ELMOD2: variants seen among roughly 807,000 people sequenced by gnomAD.
ELMOD2 encodes ELMO domain containing 2.
A neutral mutation model predicts 41.0 loss-of-function variants in ELMOD2; 28 were observed. The observed-to-expected ratio is 0.68, with a 90% CI of 0.51 to 0.94. ELMOD2 has a LOEUF of 0.94. ELMOD2 is among the 40% of genes least tolerant of loss of function. The pLI, the probability that ELMOD2 is intolerant of heterozygous loss-of-function variation, is 0.00. For missense variants in ELMOD2, 333 were observed against 343.1 expected, an observed-to-expected ratio of 0.97 and a Z score of 0.23; for synonymous variants, 106 against 107.2, an observed-to-expected ratio of 0.99 and a Z score of 0.07.
At chr4:140,527,070 A>G (rs1441023778) in intron 2 of ELMOD2, among the ~76,000 whole-genome samples, 1 of 152,144 alleles carries the variant, frequency 6.6e-6, no homozygotes, top group African/African-American at 2.4e-5. Flanking sequence ...ATCACCTCAA[A>G]TCTAAAGGCT....
At chr4:140,544,854 GT>G (rs1472785649) in intron 8 of ELMOD2, among the ~76,000 whole-genome samples, 1 of 152,090 alleles carries the variant, frequency 6.6e-6, no homozygotes, top group African/African-American at 2.4e-5. Flanking sequence ...TCTCTGGGAA[GT>G]TTATTCATTT....
intron 3 of ELMOD2, among the ~76,000 whole-genome samples, chr4:140,533,844 A>G (rs1408948666): frequency 6.6e-6 from 1 of 151,690 alleles, no homozygotes; most frequent in African/African-American, 2.4e-5. Context: ...GTGTGTGTGT[A>G]TGTATACACA....
At chr4:140,545,190 CT>C (rs1735235027) in intron 8 of ELMOD2, among the ~76,000 whole-genome samples, 1 of 152,018 alleles carries the variant, frequency 6.6e-6, no homozygotes. Context: ...TTATTTGATC[CT>C]TTTAGTGGCA....
Position 140,552,411 on chromosome 4 carries a change from A to G in ELMOD2, c.*2036A>G, listed in dbSNP as rs1190317511. The G allele has an allele frequency of 6.6e-6, 1 of 152,052 alleles. No homozygotes were observed. Among genetic ancestry groups the G allele is most frequent in the East Asian group, 1.9e-4 (1 of 5,196 alleles). 9.4% of individuals were successfully genotyped at this position (152,052 alleles called of 1,614,324 possible). A position where few individuals can be genotyped will look rare whatever the true frequency, so the allele number is the denominator to read the frequency against. ...AGGTATCATTCTGTTTTTGCTTAAA[A>G]TAATCTGCAACCATTTCAGATAGTT... is the stretch of plus-strand genomic sequence containing the variant. On this transcript the variant is annotated 3_prime_UTR_variant, in exon 9 of 9. Transcript: ENST00000323570.
intron 8 of ELMOD2, among the ~76,000 whole-genome samples, chr4:140,544,532 A>ATGAAAATC (rs1489850507): frequency 6.6e-6 from 1 of 152,106 alleles, no homozygotes; most frequent in African/African-American, 2.4e-5. Flanking sequence ...GTTATTTAAA[A>ATGAAAATC]TGAAAATCTG....
chr4:140,536,416 A>G (rs1734928409), intron 4 of ELMOD2, among the ~76,000 whole-genome samples: 1 of 152,138 alleles, frequency 6.6e-6, no homozygotes, highest in Admixed American at 6.5e-5. Context: ...TTCAGCTGAG[A>G]TGAGGAACGG....
At chr4:140,548,794 A>G (rs991926242) in intron 8 of ELMOD2, among the ~76,000 whole-genome samples, 5 of 152,324 alleles carry the variant, frequency 3.3e-5, no homozygotes, top group Admixed American at 2.6e-4. Context: ...AAATAATTCA[A>G]TAAATACATT....
At chr4:140,542,689 G>A (rs1156399751) in intron 7 of ELMOD2, 47 bp downstream of exon 7, 1 of 1,327,824 alleles carries the variant, frequency 7.5e-7, no homozygotes, top group Admixed American at 2.1e-5. Flanking sequence ...CATTTATAAT[G>A]ATTAGATGAT....
chr4:140,549,759 CACT>C (rs1246623387), intron 8 of ELMOD2, among the ~76,000 whole-genome samples: 1 of 134,302 alleles, frequency 7.4e-6, no homozygotes, highest in Non-Finnish European at 1.5e-5. Flanking sequence ...AATCACGGCT[CACT>C]GAAGCCCTGA....
chr4:140,547,965 A>G (rs777121580), intron 8 of ELMOD2, among the ~76,000 whole-genome samples: 4 of 152,198 alleles, frequency 2.6e-5, no homozygotes, highest in Non-Finnish European at 5.9e-5. Context: ...CTAGAATTTC[A>G]GTATTTTTTC....
Position 140,535,770 on chromosome 4 carries a change from T to G in ELMOD2, c.209T>G (p.Val70Gly). The G allele has an allele frequency of 1.9e-6, 3 of 1,611,722 alleles. No individual in the cohort carries two copies. Among genetic ancestry groups the G allele is most frequent in the African/African-American group, 1.3e-5 (1 of 74,896 alleles). Reference sequence around the variant, plus strand: ...GCGACACATGTTGTTCAGAGTGAAGTGGACAAATATGTAGATGATATTATG... The same window carrying G: ...GCGACACATGTTGTTCAGAGTGAAGGGGACAAATATGTAGATGATATTATG... Reference protein sequence around the residue: ...QKATHVVQSEVDKYVDDIMKE... With the variant: ...QKATHVVQSEGDKYVDDIMKE... Residue 70 changes from valine (V) to glycine (G), a missense_variant, in exon 4 of 9, where the codon GTG (valine) becomes GGG (glycine). Val to Gly is a moderately radical substitution (Grantham distance 109). Coordinates refer to ENST00000323570, the MANE Select transcript of ELMOD2 (RefSeq NM_153702.4).
chr4:140,545,221 C>G (rs544497292), intron 8 of ELMOD2, among the ~76,000 whole-genome samples: 65 of 152,226 alleles, frequency 4.3e-4, no homozygotes, highest in African/African-American at 1.5e-3. Flanking sequence ...AATGACCACA[C>G]GTTTCTTTTC....
chr4:140,546,138 A>G (rs1735271083), intron 8 of ELMOD2, among the ~76,000 whole-genome samples: 1 of 152,212 alleles, frequency 6.6e-6, no homozygotes, highest in African/African-American at 2.4e-5. Flanking sequence ...CATATACACC[A>G]TGGAATACTA....
chr4:140,539,009 C>T (rs561081547), intron 5 of ELMOD2, among the ~76,000 whole-genome samples: 1 of 152,264 alleles, frequency 6.6e-6, no homozygotes, highest in South Asian at 2.1e-4. Context: ...CTAATGTAAG[C>T]AAGTCACAGG....
At position 140,537,648 on chromosome 4, in the gene ELMOD2, T is replaced by C. The variant is rs949135672; in HGVS notation, c.399+107T>C. Reference sequence around the variant, plus strand: ...CTAGAGGCTTATATGGCTAGGCTTATATGGTTTCTTTGCCCTTAGAGAATT... The same window carrying C: ...CTAGAGGCTTATATGGCTAGGCTTACATGGTTTCTTTGCCCTTAGAGAATT... On this transcript the variant is annotated intron_variant, in intron 5 of 8. Transcript: ENST00000323570. 6.7e-6 allele frequency: 9 copies of C among 1,340,282 alleles called. No individual in the cohort carries two copies. In the African/African-American group the frequency reaches 7.7e-5, roughly 11 times the overall value. The allele number at this position is 1,340,282 out of a possible 1,614,324, so 83.0% of individuals were successfully genotyped here.
intron 3 of ELMOD2, chr4:140,528,055 G>C (rs1578755381): frequency 6.6e-6 from 1 of 152,296 alleles, no homozygotes; most frequent in African/African-American, 2.4e-5. Flanking sequence ...TGGGACTCAG[G>C]TAGGGGGTTA....
chr4:140,544,508 A>G lies in ELMOD2; in HGVS notation c.736+922A>G, dbSNP rs534073626. On this transcript the variant is annotated intron_variant, in intron 8 of 8. Transcript: ENST00000323570. ...GGTAACACTCTTCTATTTCTTCTCC[A>G]CATTGAAAGTATAGTTATTTAAAAT... 5.9e-5 allele frequency among the ~76,000 whole-genome samples: 9 copies of G among 152,106 alleles called. No individual in the cohort carries two copies. The South Asian group carries it at 1.5e-3, about 25-fold the overall frequency.
chr4:140,549,120 A>G (rs1036124919), intron 8 of ELMOD2, among the ~76,000 whole-genome samples: 3 of 152,090 alleles, frequency 2.0e-5, no homozygotes, highest in African/African-American at 7.2e-5. Context: ...TTTATTTTCT[A>G]GAATTGTATT....
intron 8 of ELMOD2, among the ~76,000 whole-genome samples, chr4:140,545,792 T>C (rs543804898): frequency 1.3e-5 from 2 of 152,282 alleles, no homozygotes; most frequent in African/African-American, 4.8e-5. Flanking sequence ...TGAGATATCA[T>C]GTCACACCAG....
Sources: allele counts gnomAD v4.1 joint callset (sites outside exome capture counted in the v4.1 genomes callset), GRCh38; gene constraint gnomAD v4.1.1; transcripts MANE v1.5; gene names NCBI Gene and HGNC (gene_info 2026-07-23, HGNC 2026-07-21).